Variants in SMOC1 observed in about 807,000 individuals in gnomAD.
SMOC1 encodes the protein SPARC related modular calcium binding 1.
A neutral mutation model predicts 56.3 loss-of-function variants in SMOC1; 22 were observed. The observed-to-expected ratio is 0.39, with a 90% CI of 0.28 to 0.56. The LOEUF (loss-of-function observed/expected upper bound fraction) is 0.56, where lower values mean the gene tolerates loss of function less well. Ranked by LOEUF, SMOC1 falls within the 20% of genes least tolerant of loss-of-function variation. SMOC1 has a pLI of 0.61. For missense variants in SMOC1, 509 were observed against 565.4 expected (o/e 0.90, Z 1.01); for synonymous variants, 193 against 215.0 (o/e 0.90, Z 0.89).
chr14:69,995,011 C>A (rs541003065), intron 7 of SMOC1, among the ~76,000 whole-genome samples: 10 of 152,162 alleles, frequency 6.6e-5, no homozygotes, highest in African/African-American at 2.4e-4. Context: ...ACAATAAAGA[C>A]CAGAGTCAGT....
At chr14:69,947,897 G>A (rs1882848604) in intron 1 of SMOC1, among the ~76,000 whole-genome samples, 3 of 152,144 alleles carry the variant, frequency 2.0e-5, no homozygotes, top group South Asian at 2.1e-4. Context: ...GTGTGGCTTC[G>A]GAGCGTTCCA....
intron 7 of SMOC1, among the ~76,000 whole-genome samples, chr14:70,003,045 G>A (rs748118175): frequency 6.6e-6 from 1 of 152,172 alleles, no homozygotes; most frequent in African/African-American, 2.4e-5. Context: ...TCACATGCTC[G>A]CACGCTGACC....
At chr14:69,987,933 G>GTGAC (rs1192810329) in intron 5 of SMOC1, among the ~76,000 whole-genome samples, 6 of 152,216 alleles carry the variant, frequency 3.9e-5, no homozygotes, top group Admixed American at 2.0e-4. Context: ...AGGACAAGGC[G>GTGAC]TGACTGGGGG....
At chr14:69,891,199 T>G (rs560862485) in intron 1 of SMOC1, among the ~76,000 whole-genome samples, 108 of 152,210 alleles carry the variant, frequency 7.1e-4, no homozygotes, top group South Asian at 5.0e-3. Flanking sequence ...AAAATAAAAT[T>G]AAGAGCAGTG....
intron 3 of SMOC1, among the ~76,000 whole-genome samples, chr14:69,959,884 A>G (rs574751400): frequency 2.9e-3 from 437 of 152,280 alleles, no homozygotes; most frequent in African/African-American, 9.6e-3. Context: ...ACCTAGGGAA[A>G]TACACACTTG....
intron 1 of SMOC1, among the ~76,000 whole-genome samples, chr14:69,916,301 G>A (rs1198933998): frequency 1.3e-5 from 2 of 152,172 alleles, no homozygotes; most frequent in African/African-American, 4.8e-5. Context: ...GAATCTACCC[G>A]CTTCTTGCCA....
intron 1 of SMOC1, among the ~76,000 whole-genome samples, chr14:69,900,650 G>T (rs1171602237): frequency 6.6e-6 from 1 of 152,212 alleles, no homozygotes; most frequent in Admixed American, 6.5e-5. Context: ...AGGCAGCAGG[G>T]TGTTTACTCA....
chr14:69,990,035 G>A (rs1220609449), intron 5 of SMOC1, among the ~76,000 whole-genome samples: 2 of 152,194 alleles, frequency 1.3e-5, no homozygotes, highest in African/African-American at 4.8e-5. Context: ...CAGAGCAGCT[G>A]TATCTCTTCA....
Position 69,987,890 on chromosome 14 carries a change from C to A in SMOC1, c.527-4527C>A, listed in dbSNP as rs189158098. Among the ~76,000 whole-genome samples the A allele has an allele frequency of 2.1e-3, 315 of 152,254 alleles. 1 individual carries two copies. The highest frequency in any genetic ancestry group is 5.0e-3 in the South Asian group (24 of 4,818). On this transcript the variant is annotated intron_variant, in intron 5 of 11. Transcript: ENST00000361956. The stretch of plus-strand genomic sequence containing the variant: ...TCTGTATAGGCTCACAGAGCCCATG[C>A]GGGGGCTGCAACTTTCTGGGGCTGC...
intron 7 of SMOC1, among the ~76,000 whole-genome samples, chr14:70,007,088 A>C (rs768291070): frequency 1.3e-5 from 2 of 152,220 alleles, no homozygotes; most frequent in Non-Finnish European, 2.9e-5. Context: ...AGGTTAGGAT[A>C]AAAATCAGAT....
At chr14:69,993,663 G>T (rs1884652280) in intron 6 of SMOC1, among the ~76,000 whole-genome samples, 1 of 152,218 alleles carries the variant, frequency 6.6e-6, no homozygotes, top group Admixed American at 6.5e-5. Context: ...GTATGTTCAT[G>T]TCTAAAAGTT....
intron 1 of SMOC1, among the ~76,000 whole-genome samples, chr14:69,951,212 G>T (rs1882984639): frequency 6.6e-6 from 1 of 152,156 alleles, no homozygotes. Context: ...GGCCCAGGAA[G>T]GAGCTGCAAG....
At position 70,030,233 on chromosome 14, in the gene SMOC1, T is replaced by G; in HGVS notation, c.1292-9T>G. ...TTTTTTTTTTTTGCATTCTCCTTCC[T>G]TCTCTCAGTAGGACGCCTCGTCTAA... On this transcript the variant is annotated splice_polypyrimidine_tract_variant and intron_variant, in intron 11 of 11. Coordinates refer to ENST00000361956, the MANE Select transcript of SMOC1 (RefSeq NM_001034852.3). The G allele has an allele frequency of 6.2e-7, 1 of 1,606,832 alleles. No individual in the cohort carries two copies. The highest frequency in any genetic ancestry group is 2.2e-5 in the East Asian group (1 of 44,576).
intron 1 of SMOC1, among the ~76,000 whole-genome samples, chr14:69,949,817 C>T (rs1038615155): frequency 2.0e-5 from 3 of 152,060 alleles, no homozygotes; most frequent in African/African-American, 4.8e-5. Context: ...CTCACCAGGC[C>T]GGGGAGACGA....
At chr14:69,999,847 A>G (rs1249075865) in intron 7 of SMOC1, among the ~76,000 whole-genome samples, 4 of 152,014 alleles carry the variant, frequency 2.6e-5, no homozygotes, top group African/African-American at 9.7e-5. Flanking sequence ...CCTTTGCCCC[A>G]TGTTGTCTGC....
chr14:70,011,641 C>G, intron 9 of SMOC1, 74 bp downstream of exon 9: 2 of 1,368,086 alleles, frequency 1.5e-6, no homozygotes, highest in Non-Finnish European at 2.1e-6. Flanking sequence ...GCAGAAGAAG[C>G]TGTCTCCTCT....
intron 1 of SMOC1, among the ~76,000 whole-genome samples, chr14:69,905,007 G>A (rs1163792381): frequency 2.6e-5 from 4 of 152,182 alleles, no homozygotes; most frequent in African/African-American, 9.7e-5. Context: ...TTTGTAACGG[G>A]TTGCCTGTAA....
At chr14:69,981,730 A>T (rs1884184779) in intron 5 of SMOC1, among the ~76,000 whole-genome samples, 1 of 152,208 alleles carries the variant, frequency 6.6e-6, no homozygotes, top group Non-Finnish European at 1.5e-5. Flanking sequence ...AGGAAAGTAG[A>T]TTGGAAGCAG....
chr14:69,934,034 G>A (rs1461689536), intron 1 of SMOC1, among the ~76,000 whole-genome samples: 1 of 152,042 alleles, frequency 6.6e-6, no homozygotes, highest in Admixed American at 6.6e-5. Flanking sequence ...GAACATCTTC[G>A]ATACTGTAAC....
Sources: allele counts gnomAD v4.1 joint callset (sites outside exome capture counted in the v4.1 genomes callset), GRCh38; gene constraint gnomAD v4.1.1; transcripts MANE v1.5; gene names NCBI Gene and HGNC (gene_info 2026-07-23, HGNC 2026-07-21).